The following CLIP2 variants were observed in gnomAD, a reference collection of about 807,000 sequenced individuals.
CLIP2 encodes the protein CAP-Gly domain-containing linker protein 2.
Under a neutral mutation model 111.7 loss-of-function variants are expected in CLIP2, and 41 were observed. The ratio of observed to expected loss-of-function variants is 0.37; its 90% confidence interval spans 0.29 to 0.48. The LOEUF is 0.48. CLIP2 is among the 20% of genes least tolerant of loss of function. The pLI, the probability that CLIP2 is intolerant of heterozygous loss-of-function variation, is 0.99. For synonymous variants in CLIP2, 660 were observed against 644.2 expected (o/e 1.02, Z -0.37); for missense variants, 1,160 against 1,422.1 (o/e 0.82, Z 2.96).
At chr7:74,374,610 A>G (rs782525628) in intron 9 of CLIP2, among the ~76,000 whole-genome samples, 4 of 152,254 alleles carry the variant, frequency 2.6e-5, no homozygotes, top group African/African-American at 9.6e-5. Context: ...AGTCCCAGCT[A>G]CTTGGGAGGC....
chr7:74,348,004 A>AC (rs1456773994), intron 3 of CLIP2, among the ~76,000 whole-genome samples: 1 of 151,868 alleles, frequency 6.6e-6, no homozygotes, highest in Non-Finnish European at 1.5e-5. Context: ...ACATGGTGAA[A>AC]CCCCATCTCT....
intron 10 of CLIP2, among the ~76,000 whole-genome samples, chr7:74,378,507 A>G (rs1229852995): frequency 6.6e-6 from 1 of 152,116 alleles, no homozygotes; most frequent in Non-Finnish European, 1.5e-5. Context: ...CGAGAGGCTG[A>G]GGCAGGAGGA....
intron 2 of CLIP2, among the ~76,000 whole-genome samples, chr7:74,327,951 G>T (rs931223403): frequency 6.6e-6 from 1 of 152,236 alleles, no homozygotes; most frequent in African/African-American, 2.4e-5. Context: ...TGGTTTGGGA[G>T]GAGGGGGCAC....
chr7:74,387,022 CAAAAAA>C (rs35422612), intron 12 of CLIP2, among the ~76,000 whole-genome samples: 53 of 70,060 alleles, frequency 7.6e-4, no homozygotes, highest in African/African-American at 2.5e-3. Flanking sequence ...GACTCCATCT[CAAAAAA>C]AAAAAAAAAA....
Position 74,376,937 on chromosome 7 carries a change from C to T in CLIP2, c.2421+115C>T. On this transcript the variant is annotated intron_variant, in intron 10 of 16. Transcript: ENST00000223398. This position sits in a 1 kb window ranked among gnomAD's most constrained non-coding sequence, Gnocchi z 7.1. ...ATTTCCCTTGTCCCCGAGAGCATGC[C>T]TGGGGCAGTCAAGGAAGGGGTCACC... is the stretch of plus-strand genomic sequence containing the variant. 1 of 1,095,662 alleles carries T rather than the reference C, an allele frequency of 9.1e-7. No homozygotes were observed. The highest frequency in any genetic ancestry group is 1.3e-6 in the Non-Finnish European group (1 of 789,824). The allele number at this position is 1,095,662 out of a possible 1,614,324, so 67.9% of individuals were successfully genotyped here.
intron 12 of CLIP2, among the ~76,000 whole-genome samples, chr7:74,388,380 A>G (rs1554315206): frequency 2.6e-5 from 4 of 151,910 alleles, no homozygotes; most frequent in Admixed American, 1.3e-4. Flanking sequence ...GGCACCTGTA[A>G]TCTCAGCTAC....
At chr7:74,334,658 C>A (rs570035253) in intron 2 of CLIP2, among the ~76,000 whole-genome samples, 3 of 152,124 alleles carry the variant, frequency 2.0e-5, no homozygotes, top group African/African-American at 7.2e-5. Flanking sequence ...CTGGCACCTG[C>A]CAGGCACCCA....
At chr7:74,326,586 A>T (rs1385280019) in intron 2 of CLIP2, among the ~76,000 whole-genome samples, 3 of 151,270 alleles carry the variant, frequency 2.0e-5, no homozygotes, top group African/African-American at 7.3e-5. Flanking sequence ...CCCACCTCCT[A>T]TATGCTATCC....
chr7:74,395,492 A>G (rs1055764848), intron 13 of CLIP2, among the ~76,000 whole-genome samples: 2 of 151,846 alleles, frequency 1.3e-5, no homozygotes, highest in African/African-American at 2.4e-5. Context: ...GGGTTTTGCT[A>G]TGTTGGCCAG....
chr7:74,314,979 A>G (rs1788730788), intron 1 of CLIP2, among the ~76,000 whole-genome samples: 1 of 152,166 alleles, frequency 6.6e-6, no homozygotes, highest in Non-Finnish European at 1.5e-5. Flanking sequence ...GTGCTTCATC[A>G]TAAGGACACA....
intron 13 of CLIP2, 142 bp from the exon 14 acceptor site, chr7:74,396,932 G>C: frequency 9.7e-7 from 1 of 1,028,570 alleles, no homozygotes; most frequent in Non-Finnish European, 1.4e-6. Flanking sequence ...GTCTACTGTG[G>C]CCCCTCGTGG....
chr7:74,375,900 C>A lies in CLIP2; in HGVS notation c.1499C>A (p.Ala500Asp). Residue 500 changes from alanine to aspartate, a missense_variant, in exon 10 of 17, where the codon GCC (alanine) becomes GAC (aspartate). By Grantham distance (126) the Ala-to-Asp change is moderately radical (BLOSUM62 -2). Around this residue, in one of 5 missense-constraint regions of CLIP2, gnomAD observed 676 missense variants for 777.8 expected, o/e 0.87. Coordinates refer to ENST00000223398, the MANE Select transcript of CLIP2 (RefSeq NM_003388.5). ...ELADNRLTTV[A>D]EKSRVLQLEE... ...CTCTCCCCACAGCTGACCACAGTGGCCGAGAAGTCGCGCGTGCTGCAGCTG... is the reference window on the plus strand; with the variant it reads ...CTCTCCCCACAGCTGACCACAGTGGACGAGAAGTCGCGCGTGCTGCAGCTG... 6.4e-7 allele frequency: 1 copy of A among 1,558,428 alleles called. No homozygotes were observed. The highest frequency in any genetic ancestry group is 2.4e-5 in the East Asian group (1 of 42,464).
intron 8 of CLIP2, among the ~76,000 whole-genome samples, chr7:74,368,517 AAAATAAATAAAT>A (rs1175540613): frequency 1.3e-5 from 2 of 151,412 alleles, no homozygotes; most frequent in East Asian, 1.9e-4. Flanking sequence ...ACTCCATCTC[AAAATAAATAAAT>A]AAATAAATAA....
intron 3 of CLIP2, among the ~76,000 whole-genome samples, chr7:74,343,759 C>T (rs953601066): frequency 3.3e-5 from 5 of 149,470 alleles, no homozygotes; most frequent in Admixed American, 2.7e-4. Context: ...AAAAAATAGC[C>T]GGGCATGGCG....
chr7:74,352,714 T>A (rs35857456), intron 3 of CLIP2, among the ~76,000 whole-genome samples: 90,509 of 145,494 alleles, frequency 0.62, 29,338 homozygotes, highest in Middle Eastern at 0.74. Flanking sequence ...AAAAAAAAAA[T>A]TTTTAGATAT....
At chr7:74,386,635 G>A in intron 12 of CLIP2, 31 bp downstream of exon 12, 1 of 1,560,656 alleles carries the variant, frequency 6.4e-7, no homozygotes, top group Non-Finnish European at 8.7e-7. Flanking sequence ...GCAGATGCGG[G>A]GGGCTTTCAC....
At chr7:74,306,886 G>A (rs921295269) in intron 1 of CLIP2, among the ~76,000 whole-genome samples, 2 of 152,154 alleles carry the variant, frequency 1.3e-5, no homozygotes, top group African/African-American at 2.4e-5. Context: ...ACAGCCACTC[G>A]GAGAAAGTCT....
chr7:74,400,703 A>C (rs529847931), intron 15 of CLIP2, 148 bp downstream of exon 15: 1 of 778,672 alleles, frequency 1.3e-6, no homozygotes, highest in South Asian at 2.0e-5. Flanking sequence ...CTGAAGGGGG[A>C]GGTAGCCCTG....
intron 13 of CLIP2, 87 bp from the exon 14 acceptor site, chr7:74,396,987 C>T (rs1385690354): frequency 3.1e-5 from 47 of 1,530,618 alleles, no homozygotes; most frequent in Non-Finnish European, 3.8e-5. Context: ...AGTTGGTCAG[C>T]CCCTGGACAC....
Sources: gnomAD v4.1 joint callset for allele counts (sites outside exome capture counted in the v4.1 genomes callset) on GRCh38, gnomAD v4.1.1 for gene constraint, gnomAD v4.1.1 regional missense constraint, Gnocchi (gnomAD v3.1) non-coding constraint, MANE v1.5 for transcripts, NCBI Gene and HGNC (gene_info 2026-07-23, HGNC 2026-07-21) for gene names.